SUMF1: variants seen among roughly 807,000 people sequenced by gnomAD.
SUMF1 encodes sulfatase modifying factor 1, also known as formylglycine-generating enzyme.
A neutral mutation model predicts 47.6 loss-of-function variants in SUMF1; 48 were observed. The ratio of observed to expected loss-of-function variants is 1.01; its 90% CI spans 0.80 to 1.28. The LOEUF (loss-of-function observed/expected upper bound fraction) is 1.28, where lower values mean the gene tolerates loss of function less well. Ranked by LOEUF, SUMF1 falls within the 50% of genes most tolerant of loss-of-function variation. SUMF1 has a pLI of 0.00. For missense variants in SUMF1, 571 were observed against 485.4 expected (o/e 1.18, Z -1.66); for synonymous variants, 230 against 192.1 (o/e 1.20, Z -1.63).
chr3:4,308,351 T>G (rs1698273529), intron 8 of SUMF1, among the ~76,000 whole-genome samples: 1 of 152,236 alleles, frequency 6.6e-6, no homozygotes, highest in Non-Finnish European at 1.5e-5. Flanking sequence ...AGTAAGCTTT[T>G]TAAGCCAGTT....
At chr3:4,110,847 G>T (rs1693283916) in intron 8 of SUMF1, among the ~76,000 whole-genome samples, 1 of 108,972 alleles carries the variant, frequency 9.2e-6, no homozygotes, top group African/African-American at 3.6e-5. Flanking sequence ...CTGTTGTGGG[G>T]TGGGGGGAGG....
intron 8 of SUMF1, among the ~76,000 whole-genome samples, chr3:4,069,881 A>G (rs150114864): frequency 0.025 from 3,775 of 152,294 alleles, 80 homozygotes; most frequent in African/African-American, 0.05. Context: ...CACATCCTAT[A>G]GAGAATCCCC....
chr3:4,316,104 A>T, intron 8 of SUMF1: 1 of 498,616 alleles, frequency 2.0e-6, no homozygotes, highest in Non-Finnish European at 3.6e-6. Context: ...TTGGTATTTG[A>T]TATTGGAATA....
At chr3:4,286,687 TA>T (rs1322950766) in intron 8 of SUMF1, among the ~76,000 whole-genome samples, 1 of 152,140 alleles carries the variant, frequency 6.6e-6, no homozygotes, top group Non-Finnish European at 1.5e-5. Flanking sequence ...TTAAAGCTTA[TA>T]AAATAATAAG....
chr3:4,157,829 C>T (rs1024263894), intron 8 of SUMF1, among the ~76,000 whole-genome samples: 20 of 151,400 alleles, frequency 1.3e-4, no homozygotes, highest in Non-Finnish European at 2.6e-4. Flanking sequence ...ACTACTTCTA[C>T]CCTGTCACCG....
chr3:4,252,598 G>C (rs1051006490), intron 8 of SUMF1, among the ~76,000 whole-genome samples: 1 of 152,066 alleles, frequency 6.6e-6, no homozygotes, highest in Admixed American at 6.5e-5. Context: ...TGAACTTAAA[G>C]GTCTCAGAGA....
At position 4,092,998 on chromosome 3, in the gene SUMF1, G is replaced by T. The variant is rs937724545; in HGVS notation, c.1015-24253C>A. Among the ~76,000 whole-genome samples, 3 of 152,098 alleles carry T rather than the reference G, an allele frequency of 2.0e-5. No individual in the cohort carries two copies. The South Asian group carries it at 6.2e-4, about 32-fold the overall frequency. On this transcript the variant is annotated intron_variant and NMD_transcript_variant, in intron 8 of 12. Coordinates refer to the SUMF1 transcript ENST00000448413. ...GAATGTGCCAATGTTTATAGAGATA[G>T]AAATGACTGAATACATGCAGTGCTT... is the stretch of plus-strand genomic sequence containing the variant.
At chr3:4,401,754 T>C (rs943508987) in intron 7 of SUMF1, among the ~76,000 whole-genome samples, 2 of 152,206 alleles carry the variant, frequency 1.3e-5, no homozygotes, top group Non-Finnish European at 2.9e-5. Flanking sequence ...ATAACCACAC[T>C]AGCAAACTCT....
At position 4,096,931 on chromosome 3, in the gene SUMF1, A is replaced by C. The variant is rs146537370; in HGVS notation, c.1015-28186T>G. On this transcript the variant is annotated intron_variant and NMD_transcript_variant, in intron 8 of 12. Coordinates refer to the SUMF1 transcript ENST00000448413. ...ATCTTTAAAGAGAAACTGGATTATT[A>C]GGAGGAATTTGATTCCTGGCAACGA... Among the ~76,000 whole-genome samples the C allele has an allele frequency of 1.2e-3, 190 of 152,258 alleles. 2 individuals are homozygous for C. The highest frequency in any genetic ancestry group is 6.7e-3 in the Admixed American group (103 of 15,296).
At position 4,467,055 on chromosome 3, in the gene SUMF1, G is replaced by A; in HGVS notation, c.191C>T (p.Ser64Leu). ...CCGCGAGTATCGGTGAGCGGCTGCC[G>A]AACTGCCATGGGCGCCAGGCCGCTG... ...TPQRPGAHGS[S>L]AAAHRYSREA... The change falls in exon 1 of 9, where the codon TCG becomes TTG. Residue 64 changes from serine (S) to leucine (L), a missense_variant. Transcript: ENST00000272902. The A allele has an allele frequency of 1.9e-6, 3 of 1,568,854 alleles. No individual in the cohort carries two copies. Among genetic ancestry groups the A allele is most frequent in the African/African-American group, 1.4e-5 (1 of 73,944 alleles).
At chr3:4,452,131 T>TA (rs953962047) in intron 2 of SUMF1, among the ~76,000 whole-genome samples, 79 of 144,224 alleles carry the variant, frequency 5.5e-4, no homozygotes, top group East Asian at 7.9e-4. Context: ...TTTGGGGTCT[T>TA]AAAAAAAAAA....
intron 9 of SUMF1, among the ~76,000 whole-genome samples, chr3:4,039,208 A>ATTTTTTTT (rs1213784165): frequency 0.14 from 5,898 of 43,160 alleles, 731 homozygotes; most frequent in Non-Finnish European, 0.16. Context: ...CATCTATGCA[A>ATTTTTTTT]ATTTTTTTTT....
chr3:4,382,528 T>C (rs909524385), intron 7 of SUMF1, among the ~76,000 whole-genome samples: 1 of 152,172 alleles, frequency 6.6e-6, no homozygotes, highest in Non-Finnish European at 1.5e-5. Context: ...CTCAATGATC[T>C]AGAACCAGAA....
chr3:4,459,552 G>A (rs2079755701), intron 1 of SUMF1, among the ~76,000 whole-genome samples: 1 of 152,120 alleles, frequency 6.6e-6, no homozygotes, highest in Non-Finnish European at 1.5e-5. Context: ...TTCTATGCGT[G>A]TACTTCCCAA....
At position 4,211,103 on chromosome 3, in the gene SUMF1, C is replaced by CACATATATATATATATAT. The variant is rs1695772931; in HGVS notation, c.1015-142359_1015-142358insATATATATATATATATGT. On this transcript the variant is annotated intron_variant and NMD_transcript_variant, in intron 8 of 12. Coordinates refer to the SUMF1 transcript ENST00000448413. ...GAGTTAATACTCCTTAATAAACTCC[C>CACATATATATATATATAT]ATATATATATATATATATACACACA... Among the ~76,000 whole-genome samples the CACATATATATATATATAT allele has an allele frequency of 4.4e-5, 4 of 91,422 alleles. No individual in the cohort carries two copies. In the South Asian group the frequency reaches 1.7e-3, roughly 40 times the overall value. 60.0% of individuals were successfully genotyped at this position (91,422 alleles called of 152,430 possible). A position where few individuals can be genotyped will look rare whatever the true frequency, so the allele number is the denominator to read the frequency against.
chr3:4,068,775 A>AAAT (rs1379259480), intron 8 of SUMF1: 4 of 330,948 alleles, frequency 1.2e-5, no homozygotes, highest in Non-Finnish European at 2.4e-5. Context: ...GAAGAAGAAG[A>AAAT]AATAATAATA....
chr3:4,321,917 G>A (rs151184195), intron 8 of SUMF1, among the ~76,000 whole-genome samples: 22 of 152,176 alleles, frequency 1.4e-4, no homozygotes. Context: ...AGGTCAATAT[G>A]AACAGTCATA....
chr3:4,190,384 T>C (rs956356239), intron 8 of SUMF1, among the ~76,000 whole-genome samples: 3 of 152,094 alleles, frequency 2.0e-5, no homozygotes, highest in African/African-American at 7.2e-5. Flanking sequence ...TGCATTACTA[T>C]AAAGAGTACA....
At chr3:4,392,583 T>A in intron 7 of SUMF1, among the ~76,000 whole-genome samples, 1 of 143,274 alleles carries the variant, frequency 7.0e-6, no homozygotes, top group East Asian at 2.0e-4. Flanking sequence ...GTTTATATGT[T>A]CAGATATATA....
Sources: allele counts gnomAD v4.1 joint callset (sites outside exome capture counted in the v4.1 genomes callset), GRCh38; gene constraint gnomAD v4.1.1; transcripts MANE v1.5; gene names NCBI Gene and HGNC (gene_info 2026-07-23, HGNC 2026-07-21).